ANKRD30BL: variants seen among roughly 807,000 people sequenced by gnomAD.
ANKRD30BL encodes the protein ankyrin repeat domain 30B like.
A neutral mutation model predicts 18.4 loss-of-function variants in ANKRD30BL; 20 were observed. The observed-to-expected ratio is 1.09, with a 90% CI of 0.77 to 1.58. The LOEUF is 1.58. ANKRD30BL is among the 40% of genes most tolerant of loss of function. The pLI is 0.00. For missense variants in ANKRD30BL, 224 were observed against 268.6 expected, an observed-to-expected ratio of 0.83 and a Z score of 1.16; for synonymous variants, 72 against 100.9, an observed-to-expected ratio of 0.71 and a Z score of 1.72.
At chr2:132,237,157 G>A (rs1178081846) in intron 1 of ANKRD30BL, among the ~76,000 whole-genome samples, 1 of 151,942 alleles carries the variant, frequency 6.6e-6, no homozygotes, top group East Asian at 1.9e-4. Flanking sequence ...GATACCATTG[G>A]GAGATATACC....
chr2:132,238,233 ACT>A (rs1188515658), intron 1 of ANKRD30BL, among the ~76,000 whole-genome samples: 1 of 151,934 alleles, frequency 6.6e-6, no homozygotes, highest in African/African-American at 2.4e-5. Context: ...GTTATGAAAG[ACT>A]CTTCTTATAG....
chr2:132,154,615 C>T, intron 4 of ANKRD30BL, 47 bp downstream of exon 4: 1 of 617,848 alleles, frequency 1.6e-6, no homozygotes, highest in Admixed American at 2.9e-5. Flanking sequence ...AGAGTTATTA[C>T]TCTAGCACAC....
At chr2:132,193,191 T>C (rs1429646310) in intron 1 of ANKRD30BL, among the ~76,000 whole-genome samples, 2 of 152,206 alleles carry the variant, frequency 1.3e-5, no homozygotes, top group African/African-American at 4.8e-5. Flanking sequence ...GTCACACATA[T>C]GCAGTCACTC....
intron 1 of ANKRD30BL, among the ~76,000 whole-genome samples, chr2:132,233,886 T>A (rs533701095): frequency 6.6e-6 from 1 of 151,932 alleles, no homozygotes; most frequent in Non-Finnish European, 1.5e-5. Flanking sequence ...AATATACATT[T>A]TTTTCAACAC....
chr2:132,174,985 A>G lies in ANKRD30BL; in HGVS notation n.442-17839T>C, dbSNP rs191201512. On this transcript the variant is annotated intron_variant and non_coding_transcript_variant, in intron 1 of 4. Transcript: ENST00000470729. ...ATACAAACATTAGCCCCAAATGCAA[A>G]AGTGGCATGGATTCAGAGTAAATTA... Among the ~76,000 whole-genome samples the G allele has an allele frequency of 7.4e-3, 1,131 of 152,298 alleles. 13 individuals are homozygous for G. The highest frequency in any genetic ancestry group is 0.025 in the African/African-American group (1,041 of 41,560).
intron 1 of ANKRD30BL, among the ~76,000 whole-genome samples, chr2:132,240,595 C>T (rs2104794349): frequency 6.6e-6 from 1 of 151,740 alleles, no homozygotes; most frequent in Non-Finnish European, 1.5e-5. Context: ...TTGAAACATT[C>T]TTTTTGTCAA....
At chr2:132,177,062 A>G (rs1688377629) in intron 1 of ANKRD30BL, among the ~76,000 whole-genome samples, 1 of 152,192 alleles carries the variant, frequency 6.6e-6, no homozygotes, top group African/African-American at 2.4e-5. Context: ...CCAAAACCTT[A>G]AACTTAAACC....
chr2:132,257,953 C>A (rs1490357276), exon 1 of ANKRD30BL: 3 of 152,728 alleles, frequency 2.0e-5, no homozygotes, highest in African/African-American at 7.3e-5. Context: ...GGCGGCCGGC[C>A]GGCGCACGCG....
At chr2:132,242,605 C>G (rs117959344) in intron 1 of ANKRD30BL, among the ~76,000 whole-genome samples, 1 of 149,162 alleles carries the variant, frequency 6.7e-6, no homozygotes, top group Non-Finnish European at 1.5e-5. Flanking sequence ...CTCAACTCAC[C>G]GAGTTGAAGC....
intron 1 of ANKRD30BL, among the ~76,000 whole-genome samples, chr2:132,231,252 A>G (rs1371562449): frequency 6.6e-6 from 1 of 152,128 alleles, no homozygotes; most frequent in African/African-American, 2.4e-5. Flanking sequence ...GCAGTTTTGA[A>G]CCTGTCTTTT....
chr2:132,156,293 C>T (rs929768985), intron 3 of ANKRD30BL: 4 of 152,190 alleles, frequency 2.6e-5, no homozygotes, highest in African/African-American at 9.6e-5. Flanking sequence ...GAAGAAAAAT[C>T]ATCATTTAAA....
At chr2:132,256,560 C>T (rs1680845724) in intron 1 of ANKRD30BL, among the ~76,000 whole-genome samples, 2 of 152,230 alleles carry the variant, frequency 1.3e-5, no homozygotes, top group Admixed American at 1.3e-4. Context: ...GGCCTCGGGG[C>T]ATGAAGGCGG....
rs201926637 is a variant in ANKRD30BL, at chr2:132,151,634, AT to A, written c.615-659del. Among the ~76,000 whole-genome samples the A allele has an allele frequency of 5.3e-3, 799 of 151,944 alleles. 5 individuals are homozygous for A. Among genetic ancestry groups the A allele is most frequent in the African/African-American group, 0.018 (763 of 41,446 alleles). ...AAATTACAAAAAAAAAACAAAAAAAATGTTTTTCTTCATAGGTTATAATATT... is the reference window on the plus strand; with the variant it reads ...AAATTACAAAAAAAAAACAAAAAAAAGTTTTTCTTCATAGGTTATAATATT... On this transcript the variant is annotated intron_variant, in intron 4 of 5. Transcript: ENST00000409867.
chr2:132,229,581 T>C (rs1261875106), intron 1 of ANKRD30BL, among the ~76,000 whole-genome samples: 1 of 152,172 alleles, frequency 6.6e-6, no homozygotes, highest in Non-Finnish European at 1.5e-5. Context: ...CAAGTTGTTA[T>C]TTGGAACTCT....
rs1044164102 is a variant in ANKRD30BL at position 132,238,641 on chromosome 2, A to G, written n.441+18888T>C. Among the ~76,000 whole-genome samples, 13 of 152,094 alleles carry G rather than the reference A, an allele frequency of 8.5e-5. No individual in the cohort carries two copies. In the Admixed American group the frequency reaches 8.5e-4, roughly 10 times the overall value. Reference sequence around the variant, plus strand: ...CTTCCCATAAAAACTAGACAGAAGCATTCTCAGAAACATCTTTCTGATGTG... The same window carrying G: ...CTTCCCATAAAAACTAGACAGAAGCGTTCTCAGAAACATCTTTCTGATGTG... On this transcript the variant is annotated intron_variant and non_coding_transcript_variant, in intron 1 of 4. Coordinates refer to the ANKRD30BL transcript ENST00000470729.
At chr2:132,170,962 C>T (rs1414461873) in intron 1 of ANKRD30BL, among the ~76,000 whole-genome samples, 1 of 152,110 alleles carries the variant, frequency 6.6e-6, no homozygotes, top group Non-Finnish European at 1.5e-5. Flanking sequence ...CGAGACCATC[C>T]TGGCTAACAC....
intron 1 of ANKRD30BL, among the ~76,000 whole-genome samples, chr2:132,254,685 G>C (rs537146531): frequency 0.016 from 2,392 of 152,302 alleles, 58 homozygotes; most frequent in African/African-American, 0.055. Flanking sequence ...TGTAGCGCGC[G>C]TGCAGCCCTG....
chr2:132,160,035 G>A (rs1688012734), intron 1 of ANKRD30BL, among the ~76,000 whole-genome samples: 1 of 152,056 alleles, frequency 6.6e-6, no homozygotes, highest in Non-Finnish European at 1.5e-5. Context: ...AGATATTTGG[G>A]TGTTTCTGGA....
chr2:132,164,359 C>T (rs1688149257), upstream of ANKRD30BL, among the ~76,000 whole-genome samples: 1 of 147,494 alleles, frequency 6.8e-6, no homozygotes, highest in Admixed American at 6.9e-5. Context: ...GGCGTGATCT[C>T]GGCTCACTGC....
Sources: allele counts gnomAD v4.1 joint callset (sites outside exome capture counted in the v4.1 genomes callset), GRCh38; gene constraint gnomAD v4.1.1; transcripts MANE v1.5; gene names NCBI Gene and HGNC (gene_info 2026-07-23, HGNC 2026-07-21).